MRTFB: variants seen among roughly 807,000 people sequenced by gnomAD.
The protein encoded by MRTFB is myocardin-related transcription factor B.
MRTFB carries 29 observed loss-of-function variants against 104.2 expected under a neutral mutation model. That is an observed-to-expected ratio of 0.28 (90% CI 0.21 to 0.38). The LOEUF (loss-of-function observed/expected upper bound fraction) is 0.38, where lower values mean the gene tolerates loss of function less well. MRTFB is among the 10% of genes least tolerant of loss of function. MRTFB has a pLI of 1.00. For missense variants in MRTFB, 1,270 were observed against 1,341.6 expected (o/e 0.95, Z 0.83); for synonymous variants, 535 against 519.5 (o/e 1.03, Z -0.41).
intron 3 of MRTFB, among the ~76,000 whole-genome samples, chr16:14,182,127 T>A (rs565319474): frequency 1.6e-4 from 24 of 152,154 alleles, no homozygotes; most frequent in Non-Finnish European, 2.5e-4. Flanking sequence ...GGAAAGCAAT[T>A]CAGGTGACAG....
At chr16:14,200,044 C>T in intron 3 of MRTFB, 1 of 466,818 alleles carries the variant, frequency 2.1e-6, no homozygotes, top group Non-Finnish European at 3.8e-6. Flanking sequence ...TACTATCTTA[C>T]CTTGTAAGCT....
chr16:14,014,232 C>T, the MRTFB span, among the ~76,000 whole-genome samples: 2 of 152,138 alleles, frequency 1.3e-5, no homozygotes, highest in African/African-American at 4.8e-5. Flanking sequence ...TTCTTGCAAT[C>T]ATTTCAGTCC....
At chr16:13,999,804 C>T in the MRTFB span, among the ~76,000 whole-genome samples, 1 of 152,162 alleles carries the variant, frequency 6.6e-6, no homozygotes, top group African/African-American at 2.4e-5. Context: ...GTTAAATGCT[C>T]TTTATTATAT....
At chr16:14,116,335 C>G (rs972347752) in intron 2 of MRTFB, among the ~76,000 whole-genome samples, 1 of 152,124 alleles carries the variant, frequency 6.6e-6, no homozygotes, top group Non-Finnish European at 1.5e-5. Context: ...GAAACCTTTC[C>G]CCTCCTAGTT....
Position 14,247,311 on chromosome 16 carries a change from T to C in MRTFB, c.2051T>C (p.Val684Ala). 6.2e-7 allele frequency: 1 copy of C among 1,614,166 alleles called. No homozygotes were observed. Among genetic ancestry groups the C allele is most frequent in the Non-Finnish European group, 8.5e-7 (1 of 1,180,040 alleles). ...AKKAVVIKQE[V>A]PVGQAEQQSV... ...AAGGCTGTAGTTATCAAGCAAGAGG[T>C]CCCTGTGGGCCAGGCAGAGCAGCAG... is the stretch of plus-strand genomic sequence containing the variant. Residue 684 changes from valine to alanine, a missense_variant, in exon 12 of 17, where the codon GTC becomes GCC. This residue lies in a region of MRTFB where 1,144 missense variants were observed against 1,131.5 expected (regional missense o/e 1.01). Coordinates refer to ENST00000571589, the MANE Select transcript of MRTFB (RefSeq NM_001308142.2).
At chr16:14,165,111 A>T (rs567317574) in intron 3 of MRTFB, among the ~76,000 whole-genome samples, 1 of 151,718 alleles carries the variant, frequency 6.6e-6, no homozygotes, top group Non-Finnish European at 1.5e-5. Flanking sequence ...TTTTGTTCCA[A>T]TGCTTAGTTT....
In MRTFB at chr16:14,080,318, G is replaced by A. The variant is rs555747739; in HGVS notation, c.-64+964G>A. 3.3e-5 allele frequency among the ~76,000 whole-genome samples: 5 copies of A among 152,126 alleles called. No individual in the cohort carries two copies. In the East Asian group the frequency reaches 9.6e-4, roughly 29 times the overall value. On this transcript the variant is annotated intron_variant, in intron 2 of 16. Transcript: ENST00000571589. ...TCCTTGCCCACACAATTTTGTTAATGTTAATGTATATGTAACTTTTTTCCA... is the reference window on the plus strand; with the variant it reads ...TCCTTGCCCACACAATTTTGTTAATATTAATGTATATGTAACTTTTTTCCA...
At chr16:14,181,695 G>A (rs1185136994) in intron 3 of MRTFB, among the ~76,000 whole-genome samples, 2 of 152,024 alleles carry the variant, frequency 1.3e-5, no homozygotes, top group East Asian at 3.9e-4. Context: ...ATATTACGAG[G>A]TTTTTTTCAT....
At chr16:14,163,008 A>G (rs1271482276) in intron 3 of MRTFB, among the ~76,000 whole-genome samples, 11 of 152,178 alleles carry the variant, frequency 7.2e-5, no homozygotes, top group Non-Finnish European at 1.2e-4. Context: ...AAAAAGCTTG[A>G]TTCCCAAAAA....
intron 2 of MRTFB, among the ~76,000 whole-genome samples, chr16:14,096,288 G>T (rs924638528): frequency 1.2e-4 from 18 of 152,008 alleles, no homozygotes; most frequent in Admixed American, 1.0e-3. Context: ...GGCCAAGCTG[G>T]TCTCAAACTC....
the MRTFB span, among the ~76,000 whole-genome samples, chr16:14,023,606 CACACATACATAT>C: frequency 0.011 from 422 of 39,616 alleles, 3 homozygotes; most frequent in African/African-American, 0.022. Context: ...CACACACACA[CACACATACATAT>C]ACATATACAT....
In MRTFB at chr16:14,098,818, G is replaced by A. The variant is rs546246789; in HGVS notation, c.-64+19464G>A. ...CTTGCATATGGCTATTTAGTTGTTC[G>A]AGCACCATTTGTTGAAATGACTATT... On this transcript the variant is annotated intron_variant, in intron 2 of 16. Coordinates refer to ENST00000571589, the MANE Select transcript of MRTFB (RefSeq NM_001308142.2). Among the ~76,000 whole-genome samples, 67 of 152,260 alleles carry A rather than the reference G, an allele frequency of 4.4e-4. 1 individual carries two copies. In the South Asian group the frequency reaches 7.5e-3, roughly 17 times the overall value.
At chr16:14,156,759 G>C (rs1311293465) in intron 3 of MRTFB, among the ~76,000 whole-genome samples, 1 of 151,982 alleles carries the variant, frequency 6.6e-6, no homozygotes, top group Non-Finnish European at 1.5e-5. Flanking sequence ...CTTTTCCTCA[G>C]TATTTGAATT....
rs114470460 is a variant in MRTFB at position 14,194,524 on chromosome 16, G to A, written c.155-15719G>A. ...CATGTAGGAATTTGAGAGGGACACA[G>A]TTCAGTCTATAACAGCAGTGAATTC... On this transcript the variant is annotated intron_variant, in intron 3 of 16. Coordinates refer to ENST00000571589, the MANE Select transcript of MRTFB (RefSeq NM_001308142.2). Among the ~76,000 whole-genome samples, 872 of 152,298 alleles carry A rather than the reference G, an allele frequency of 5.7e-3. 7 individuals are homozygous for A. The highest frequency in any genetic ancestry group is 0.019 in the African/African-American group (777 of 41,564).
rs149783936 is a variant in MRTFB, at chr16:14,132,309, A to G, written c.-63-8235A>G. ...AAATGACTGCTGTGCTGATGGGTAC[A>G]GGATTTTTTTTTTTTTTAGATGAGA... is the stretch of plus-strand genomic sequence containing the variant. On this transcript the variant is annotated intron_variant, in intron 2 of 16. Transcript: ENST00000571589. Among the ~76,000 whole-genome samples the G allele has an allele frequency of 6.5e-3, 991 of 151,460 alleles. 10 individuals carry two copies. Among genetic ancestry groups the G allele is most frequent in the African/African-American group, 0.021 (887 of 41,356 alleles).
At chr16:14,235,646 C>T (rs953092948) in intron 9 of MRTFB, among the ~76,000 whole-genome samples, 1 of 152,150 alleles carries the variant, frequency 6.6e-6, no homozygotes, top group Non-Finnish European at 1.5e-5. Context: ...CAGAATTCTT[C>T]CAGTGTTTCT....
At chr16:14,086,960 T>C (rs1000017514) in intron 2 of MRTFB, among the ~76,000 whole-genome samples, 1 of 152,206 alleles carries the variant, frequency 6.6e-6, no homozygotes, top group Admixed American at 6.5e-5. Flanking sequence ...GCTTAAAGTT[T>C]AGACTGGCAG....
chr16:14,237,050 A>T (rs1447120776), intron 9 of MRTFB, among the ~76,000 whole-genome samples: 1 of 152,196 alleles, frequency 6.6e-6, no homozygotes, highest in Non-Finnish European at 1.5e-5. Flanking sequence ...AATGGAAAGG[A>T]GTACACCTGG....
the MRTFB span, among the ~76,000 whole-genome samples, chr16:14,014,547 C>A: frequency 1.3e-5 from 2 of 151,278 alleles, no homozygotes; most frequent in Non-Finnish European, 2.9e-5. Context: ...CATGGTGAGA[C>A]TCTTGTCTCA....
Sources: gnomAD v4.1 joint callset for allele counts (sites outside exome capture counted in the v4.1 genomes callset) on GRCh38, gnomAD v4.1.1 for gene constraint, gnomAD v4.1.1 regional missense constraint, MANE v1.5 for transcripts, NCBI Gene and HGNC (gene_info 2026-07-23, HGNC 2026-07-21) for gene names.